The following CACNG2 variants were observed in gnomAD, a reference collection of about 807,000 sequenced individuals.
CACNG2 encodes calcium voltage-gated channel auxiliary subunit gamma 2, also known as voltage-dependent calcium channel gamma-2 subunit.
In CACNG2, 3 loss-of-function variants were observed where a neutral mutation model predicts 25.9. That is an observed-to-expected ratio of 0.12 (90% confidence interval 0.05 to 0.30). The LOEUF is 0.30. Among genes scored for constraint, CACNG2 ranks in the 10% least tolerant of loss-of-function variants. The pLI is 1.00. For missense variants in CACNG2, 341 were observed against 432.5 expected (o/e 0.79, Z 1.88); for synonymous variants, 167 against 173.3 (o/e 0.96, Z 0.29).
intron 1 of CACNG2, among the ~76,000 whole-genome samples, chr22:36,675,150 C>T (rs550777855): frequency 1.3e-5 from 2 of 152,284 alleles, no homozygotes; most frequent in South Asian, 4.2e-4. Flanking sequence ...GATCCTCCTG[C>T]CTCAACTTTC....
chr22:36,690,173 A>G, intron 1 of CACNG2, among the ~76,000 whole-genome samples: 1 of 152,210 alleles, frequency 6.6e-6, no homozygotes, highest in African/African-American at 2.4e-5. Flanking sequence ...TTCGACGCCT[A>G]CAGAGGCCGG....
Position 36,702,597 on chromosome 22 carries a change from C to G in CACNG2, c.-21G>C. On this transcript the variant is annotated 5_prime_UTR_variant, in exon 1 of 4. Coordinates refer to ENST00000300105, the MANE Select transcript of CACNG2 (RefSeq NM_006078.5). ...CCCATAATTCTTCATTATATAAACA[C>G]CCAACCGACTTCTGGTTCTCGGGAG... 2 of 1,597,886 alleles carry G rather than the reference C, an allele frequency of 1.3e-6. No individual in the cohort carries two copies. Among genetic ancestry groups the G allele is most frequent in the Non-Finnish European group, 1.7e-6 (2 of 1,165,328 alleles).
At chr22:36,641,216 T>A (rs1660965908) in intron 1 of CACNG2, among the ~76,000 whole-genome samples, 1 of 152,102 alleles carries the variant, frequency 6.6e-6, no homozygotes, top group African/African-American at 2.4e-5. Flanking sequence ...TATGCATTTG[T>A]TTGTTGATTG....
In CACNG2 at chr22:36,570,698, G is replaced by T. The variant is rs563991917; in HGVS notation, c.296-4205C>A. 5.3e-5 allele frequency among the ~76,000 whole-genome samples: 8 copies of T among 150,924 alleles called. 1 individual carries two copies. In the South Asian group the frequency reaches 1.5e-3, roughly 28 times the overall value. On this transcript the variant is annotated intron_variant, in intron 2 of 3. Coordinates refer to ENST00000300105, the MANE Select transcript of CACNG2 (RefSeq NM_006078.5). ...AGATAGCTTCAACTTGGGAGGCGGA[G>T]GTTGCAGTGAGCTGAGATCGCGCCA...
chr22:36,678,856 T>C (rs1937050007), intron 1 of CACNG2, among the ~76,000 whole-genome samples: 1 of 152,136 alleles, frequency 6.6e-6, no homozygotes, highest in Admixed American at 6.5e-5. Flanking sequence ...GACCTAATTT[T>C]CCCACTTCTC....
rs568405631 is a variant in CACNG2, at chr22:36,587,677, G to A, written c.212-129C>T. The stretch of plus-strand genomic sequence containing the variant: ...GCCCTCTCCCTCACCCCTGAAGGAA[G>A]GTTTCGCTTTGTCCGTTTGGACATC... On this transcript the variant is annotated intron_variant, in intron 1 of 3. Transcript: ENST00000300105. 1.7e-4 allele frequency: 127 copies of A among 764,104 alleles called. No individual in the cohort carries two copies. In the South Asian group the frequency reaches 1.7e-3, roughly 10 times the overall value. The allele number at this position is 764,104 out of a possible 1,614,324, so 47.3% of individuals were successfully genotyped here. A position where few individuals can be genotyped will look rare whatever the true frequency, so the allele number is the denominator to read the frequency against.
At chr22:36,660,349 G>A (rs1301497463) in intron 1 of CACNG2, among the ~76,000 whole-genome samples, 4 of 152,232 alleles carry the variant, frequency 2.6e-5, no homozygotes, top group African/African-American at 9.6e-5. Flanking sequence ...TGGCTTCTGC[G>A]GGCTGCTCAC....
At chr22:36,624,069 C>T (rs1202002155) in intron 1 of CACNG2, among the ~76,000 whole-genome samples, 1 of 152,144 alleles carries the variant, frequency 6.6e-6, no homozygotes, top group East Asian at 1.9e-4. Flanking sequence ...GTTCTTACAG[C>T]CTTAGGGATC....
intron 1 of CACNG2, among the ~76,000 whole-genome samples, chr22:36,597,187 G>A (rs770331799): frequency 2.6e-5 from 4 of 152,038 alleles, no homozygotes; most frequent in Non-Finnish European, 5.9e-5. Flanking sequence ...CACTCCTGGC[G>A]AATTTTTTGT....
chr22:36,666,506 C>G (rs955979631), intron 1 of CACNG2, among the ~76,000 whole-genome samples: 9 of 151,934 alleles, frequency 5.9e-5, no homozygotes, highest in African/African-American at 2.2e-4. Flanking sequence ...AGCATGGTTG[C>G]CAGGGGTTGA....
At chr22:36,566,618 T>A in intron 2 of CACNG2, 125 bp from the exon 3 acceptor site, 1 of 1,052,874 alleles carries the variant, frequency 9.5e-7, no homozygotes, top group Non-Finnish European at 1.4e-6. Flanking sequence ...AGAGGAGAGG[T>A]TGCTTTGCAA....
chr22:36,598,186 A>AAATG (rs2077437884), intron 1 of CACNG2, among the ~76,000 whole-genome samples: 2 of 152,236 alleles, frequency 1.3e-5, no homozygotes, highest in African/African-American at 4.8e-5. Context: ...ACAAATAAAT[A>AAATG]AATGAATGAG....
At chr22:36,609,270 G>A (rs1227938785) in intron 1 of CACNG2, among the ~76,000 whole-genome samples, 1 of 142,106 alleles carries the variant, frequency 7.0e-6, no homozygotes, top group Non-Finnish European at 1.5e-5. Flanking sequence ...GCAGGAATCA[G>A]CACCCCCAGA....
intron 1 of CACNG2, among the ~76,000 whole-genome samples, chr22:36,663,012 CG>C: frequency 6.7e-6 from 1 of 148,912 alleles, no homozygotes; most frequent in Non-Finnish European, 1.5e-5. Context: ...TGAACACTCA[CG>C]ATATGTTTCT....
intron 2 of CACNG2, among the ~76,000 whole-genome samples, chr22:36,568,352 G>T (rs893653996): frequency 4.6e-5 from 7 of 152,036 alleles, no homozygotes; most frequent in African/African-American, 1.4e-4. Flanking sequence ...TGTGAGAAGA[G>T]AATTTCTCTA....
At chr22:36,610,049 G>A (rs1183212951) in intron 1 of CACNG2, among the ~76,000 whole-genome samples, 1 of 151,564 alleles carries the variant, frequency 6.6e-6, no homozygotes, top group Non-Finnish European at 1.5e-5. Context: ...CGGTCAGGCA[G>A]GAATCAGCAC....
chr22:36,638,350 C>T (rs890244049), intron 1 of CACNG2, among the ~76,000 whole-genome samples: 1 of 152,168 alleles, frequency 6.6e-6, no homozygotes, highest in Non-Finnish European at 1.5e-5. Context: ...GAATCCAGGA[C>T]ACTTATTGAG....
chr22:36,702,328 TG>T, intron 1 of CACNG2, 37 bp downstream of exon 1: 2 of 990,832 alleles, frequency 2.0e-6, no homozygotes, highest in South Asian at 1.5e-5. Flanking sequence ...AGGGGAGGGG[TG>T]GGGTGGAGAG....
intron 2 of CACNG2, among the ~76,000 whole-genome samples, chr22:36,575,248 TAA>T (rs1483555554): frequency 2.6e-5 from 4 of 152,170 alleles, no homozygotes; most frequent in Non-Finnish European, 5.9e-5. Context: ...GTGACAGAAA[TAA>T]AGAGTATCCT....
Sources: allele counts gnomAD v4.1 joint callset (sites outside exome capture counted in the v4.1 genomes callset), GRCh38; gene constraint gnomAD v4.1.1; transcripts MANE v1.5; gene names NCBI Gene and HGNC (gene_info 2026-07-23, HGNC 2026-07-21).